SLC39A10: variants seen among roughly 807,000 people sequenced by gnomAD.
The protein encoded by SLC39A10 is zinc transporter ZIP10.
Under a neutral mutation model 65.1 loss-of-function variants are expected in SLC39A10, and 13 were observed. That is an observed-to-expected ratio of 0.20 (90% CI 0.13 to 0.32). The LOEUF (loss-of-function observed/expected upper bound fraction) is 0.32. Among genes scored for constraint, SLC39A10 ranks in the 10% least tolerant of loss-of-function variants. The probability of loss-of-function intolerance (pLI) is 1.00; values close to 1 mark genes in which losing one functional copy is unlikely to be tolerated. For synonymous variants in SLC39A10, 321 were observed against 342.2 expected, an observed-to-expected ratio of 0.94 and a Z score of 0.68; for missense variants, 831 against 1,018.4, an observed-to-expected ratio of 0.82 and a Z score of 2.50.
Position 195,717,985 on chromosome 2 carries a change from C to T in SLC39A10, c.2066-267C>T, listed in dbSNP as rs542124267. On this transcript the variant is annotated intron_variant, in intron 7 of 9. Coordinates refer to ENST00000359634, the MANE Select transcript of SLC39A10 (RefSeq NM_020342.3). ...AAGTTCTGAAAATTGTTACTATTCC[C>T]GAGATATTAGTGAGTTGGAAGGCTA... Among the ~76,000 whole-genome samples, 14 of 152,138 alleles carry T rather than the reference C, an allele frequency of 9.2e-5. No homozygotes were observed. The East Asian group carries it at 1.9e-3, about 21-fold the overall frequency.
At chr2:195,659,194 C>A (rs1158504639) in intron 1 of SLC39A10, among the ~76,000 whole-genome samples, 1 of 152,056 alleles carries the variant, frequency 6.6e-6, no homozygotes, top group Non-Finnish European at 1.5e-5. Context: ...TACATAGACG[C>A]CTGGATAAGA....
intron 1 of SLC39A10, among the ~76,000 whole-genome samples, chr2:195,659,157 C>G (rs1251906103): frequency 6.6e-6 from 1 of 152,038 alleles, no homozygotes; most frequent in African/African-American, 2.4e-5. Context: ...TTTTACCTGT[C>G]CATATTTACA....
At chr2:195,617,298 C>T (rs1420504941) in intron 2 of SLC39A10, among the ~76,000 whole-genome samples, 2 of 152,154 alleles carry the variant, frequency 1.3e-5, no homozygotes, top group East Asian at 1.9e-4. Flanking sequence ...CGTAGTGGCT[C>T]ATGCCTGTAA....
At chr2:195,719,931 C>T (rs754328134) in intron 8 of SLC39A10, among the ~76,000 whole-genome samples, 1 of 152,034 alleles carries the variant, frequency 6.6e-6, no homozygotes, top group Non-Finnish European at 1.5e-5. Flanking sequence ...GCTGCGATTA[C>T]AGGCTTGTGC....
At chr2:195,715,124 A>G (rs1691742034) in intron 6 of SLC39A10, among the ~76,000 whole-genome samples, 1 of 152,234 alleles carries the variant, frequency 6.6e-6, no homozygotes, top group South Asian at 2.1e-4. Context: ...CATGTATAAA[A>G]TAAAAATATT....
chr2:195,690,561 A>G (rs1690699663), intron 3 of SLC39A10, among the ~76,000 whole-genome samples: 1 of 152,104 alleles, frequency 6.6e-6, no homozygotes, highest in Non-Finnish European at 1.5e-5. Flanking sequence ...GATAGTAGTC[A>G]TCGTAATGGT....
chr2:195,709,544 T>C (rs1691534994), intron 5 of SLC39A10, among the ~76,000 whole-genome samples: 1 of 152,108 alleles, frequency 6.6e-6, no homozygotes, highest in Non-Finnish European at 1.5e-5. Context: ...CTCTAACTAT[T>C]AAAAATTATT....
At chr2:195,636,534 A>G (rs983199713) in intron 2 of SLC39A10, among the ~76,000 whole-genome samples, 6 of 151,710 alleles carry the variant, frequency 4.0e-5, no homozygotes, top group African/African-American at 1.5e-4. Flanking sequence ...GGTGGATCAC[A>G]AGGTCAGGAG....
In SLC39A10 at chr2:195,629,383, G is replaced by A. The variant is rs1312923743; in HGVS notation, c.-12+23150G>A. Among the ~76,000 whole-genome samples, 512 of 134,914 alleles carry A rather than the reference G, an allele frequency of 3.8e-3. 3 individuals are homozygous for A. Among genetic ancestry groups the A allele is most frequent in the African/African-American group, 0.014 (492 of 35,084 alleles). The allele number at this position is 134,914 out of a possible 152,430, so 88.5% of individuals were successfully genotyped here. Reference sequence around the variant, plus strand: ...CACTCCAGCCTGGACGACAGAGCGAGATTCCTTTCAAAAAAAAAAAAAAAA... The same window carrying A: ...CACTCCAGCCTGGACGACAGAGCGAAATTCCTTTCAAAAAAAAAAAAAAAA... On this transcript the variant is annotated intron_variant, in intron 2 of 2. Coordinates refer to the SLC39A10 transcript ENST00000458054.
chr2:195,691,858 CTTTTTAGT>C (rs1690752504), intron 3 of SLC39A10, among the ~76,000 whole-genome samples: 1 of 152,204 alleles, frequency 6.6e-6, no homozygotes, highest in Non-Finnish European at 1.5e-5. Context: ...TGTGCAGAAG[CTTTTTAGT>C]TAAATTAAGT....
intron 8 of SLC39A10, among the ~76,000 whole-genome samples, chr2:195,726,763 T>C (rs975395643): frequency 1.3e-5 from 2 of 152,170 alleles, no homozygotes; most frequent in Non-Finnish European, 2.9e-5. Context: ...CTATGAACCT[T>C]GTAACCATGA....
At chr2:195,626,773 G>C (rs1169732680) in intron 2 of SLC39A10, among the ~76,000 whole-genome samples, 1 of 152,116 alleles carries the variant, frequency 6.6e-6, no homozygotes, top group Admixed American at 6.5e-5. Flanking sequence ...AGGGTAAAAA[G>C]AATGCCAGGT....
At position 195,618,753 on chromosome 2, in the gene SLC39A10, T is replaced by G. The variant is rs532199830; in HGVS notation, c.-12+12520T>G. 2.6e-5 allele frequency among the ~76,000 whole-genome samples: 4 copies of G among 152,290 alleles called. No individual in the cohort carries two copies. The East Asian group carries it at 5.8e-4, about 22-fold the overall frequency. On this transcript the variant is annotated intron_variant, in intron 2 of 2. Transcript: ENST00000458054. ...TGCATATTAAGCAATAGAGACAATG[T>G]GAATTTTTTTAAGGTAAAAAATGGC...
Position 195,718,124 on chromosome 2 carries a change from G to A in SLC39A10, c.2066-128G>A, listed in dbSNP as rs151265147. On this transcript the variant is annotated intron_variant, in intron 7 of 9. Coordinates refer to ENST00000359634, the MANE Select transcript of SLC39A10 (RefSeq NM_020342.3). The stretch of plus-strand genomic sequence containing the variant: ...TATGTTCAAAAACTATAGTGTGTAA[G>A]ATAAGTGAGTCACTCATATGTTAAG... 1,126 of 627,104 alleles carry A rather than the reference G, an allele frequency of 1.8e-3. 3 individuals carry two copies. The highest frequency in any genetic ancestry group is 4.4e-3 in the Admixed American group (161 of 36,578). The allele number at this position is 627,104 out of a possible 1,614,324, so 38.8% of individuals were successfully genotyped here. A position where few individuals can be genotyped will look rare whatever the true frequency, so the allele number is the denominator to read the frequency against.
At chr2:195,670,347 A>G (rs1025619197) in intron 1 of SLC39A10, 3 of 152,082 alleles carry the variant, frequency 2.0e-5, no homozygotes, top group African/African-American at 4.8e-5. Flanking sequence ...CTCACATACC[A>G]TGTTTTTTTG....
intron 2 of SLC39A10, among the ~76,000 whole-genome samples, chr2:195,644,181 G>C (rs1247696063): frequency 6.7e-6 from 1 of 149,614 alleles, no homozygotes; most frequent in Non-Finnish European, 1.5e-5. Context: ...CAAGAGGATG[G>C]ATTCGTTTTG....
intron 2 of SLC39A10, among the ~76,000 whole-genome samples, chr2:195,617,543 CAGAG>C (rs1039419093): frequency 6.6e-6 from 1 of 151,584 alleles, no homozygotes; most frequent in Non-Finnish European, 1.5e-5. Flanking sequence ...GCCTGGGTGA[CAGAG>C]AGAGACACCG....
intron 8 of SLC39A10, among the ~76,000 whole-genome samples, chr2:195,726,073 G>A (rs1429100804): frequency 6.6e-6 from 1 of 152,136 alleles, no homozygotes; most frequent in Non-Finnish European, 1.5e-5. Flanking sequence ...AAATAGTTGT[G>A]TAATTATACC....
intron 3 of SLC39A10, among the ~76,000 whole-genome samples, chr2:195,690,129 T>C (rs1393776571): frequency 8.8e-6 from 1 of 113,722 alleles, no homozygotes; most frequent in Non-Finnish European, 1.6e-5. Flanking sequence ...TGAGCCGATA[T>C]CACACCACTG....
Sources: allele counts gnomAD v4.1 joint callset (sites outside exome capture counted in the v4.1 genomes callset), GRCh38; gene constraint gnomAD v4.1.1; transcripts MANE v1.5; gene names NCBI Gene and HGNC (gene_info 2026-07-23, HGNC 2026-07-21).